Variants in CSMD1 observed in about 807,000 individuals in gnomAD.
The protein encoded by CSMD1 is CUB and Sushi multiple domains 1, also known as CUB and sushi domain-containing protein 1.
CSMD1 carries 213 observed loss-of-function variants against 417.5 expected under a neutral mutation model. That is an observed-to-expected ratio of 0.51 (90% CI 0.46 to 0.57). The LOEUF (loss-of-function observed/expected upper bound fraction) is 0.57, where lower values mean the gene tolerates loss of function less well. Among genes scored for constraint, CSMD1 ranks in the 20% least tolerant of loss-of-function variants. The probability of loss-of-function intolerance (pLI) is 0.00; values close to 1 mark genes in which losing one functional copy is unlikely to be tolerated. For synonymous variants in CSMD1, 2,862 were observed against 1,736.8 expected (o/e 1.65, Z -16.11); for missense variants, 6,923 against 4,529.7 (o/e 1.53, Z -15.17).
chr8:3,828,310 C>G (rs1353413147), intron 5 of CSMD1, among the ~76,000 whole-genome samples: 2 of 152,132 alleles, frequency 1.3e-5, no homozygotes, highest in Non-Finnish European at 2.9e-5. Flanking sequence ...GAACACCTGT[C>G]TCAGCTTTCA....
intron 23 of CSMD1, among the ~76,000 whole-genome samples, chr8:3,337,955 A>C (rs905519121): frequency 5.3e-5 from 8 of 152,116 alleles, no homozygotes. Context: ...GGTTTTCCCT[A>C]ATGAGCCTCT....
intron 1 of CSMD1, among the ~76,000 whole-genome samples, chr8:4,933,359 G>C (rs1459621853): frequency 1.3e-5 from 2 of 152,102 alleles, no homozygotes; most frequent in Non-Finnish European, 2.9e-5. Context: ...CCCCATTTTG[G>C]TAAACTGTAA....
At chr8:3,779,552 G>A (rs4875786) in intron 5 of CSMD1, among the ~76,000 whole-genome samples, 46,044 of 152,044 alleles carry the variant, frequency 0.3, 7,529 homozygotes, top group Admixed American at 0.37. Flanking sequence ...CAAATTAGCA[G>A]TGAATTATGC....
At chr8:3,734,490 C>T (rs1266524940) in intron 6 of CSMD1, among the ~76,000 whole-genome samples, 2 of 152,170 alleles carry the variant, frequency 1.3e-5, no homozygotes, top group Admixed American at 6.5e-5. Flanking sequence ...GTGGGTGGAT[C>T]CCTTGACGTC....
intron 1 of CSMD1, among the ~76,000 whole-genome samples, chr8:4,673,932 TA>T (rs1318861809): frequency 6.6e-6 from 1 of 152,102 alleles, no homozygotes; most frequent in East Asian, 1.9e-4. Flanking sequence ...TAAAAAGCCC[TA>T]AAATTAATAA....
At chr8:4,311,464 T>C (rs1798563873) in intron 3 of CSMD1, among the ~76,000 whole-genome samples, 2 of 152,116 alleles carry the variant, frequency 1.3e-5, no homozygotes, top group Admixed American at 6.6e-5. Context: ...GGCTCACAGC[T>C]GTAATCCCAG....
intron 4 of CSMD1, among the ~76,000 whole-genome samples, chr8:4,011,730 C>A (rs965968564): frequency 6.6e-6 from 1 of 152,134 alleles, no homozygotes; most frequent in Non-Finnish European, 1.5e-5. Context: ...GAGTTATCAG[C>A]ATACTTTTTT....
chr8:3,354,875 A>ATATCTATAGATATGTCTATCTATAAATC (rs1808650006), intron 21 of CSMD1, among the ~76,000 whole-genome samples: 1 of 71,522 alleles, frequency 1.4e-5, no homozygotes, highest in Non-Finnish European at 2.7e-5. Flanking sequence ...AGATATACAT[A>ATATCTATAGATATGTCTATCTATAAATC]TATCTATAGA....
At chr8:4,277,397 C>T (rs1796547990) in intron 3 of CSMD1, among the ~76,000 whole-genome samples, 1 of 152,086 alleles carries the variant, frequency 6.6e-6, no homozygotes, top group African/African-American at 2.4e-5. Context: ...TGGCTTGACC[C>T]AGCCCCCATT....
intron 1 of CSMD1, among the ~76,000 whole-genome samples, chr8:4,663,090 G>T (rs1314540507): frequency 1.3e-5 from 2 of 152,108 alleles, no homozygotes; most frequent in Non-Finnish European, 2.9e-5. Flanking sequence ...AACCCCTGAG[G>T]ACAGGAGGGC....
chr8:3,776,442 G>A (rs376618728), intron 5 of CSMD1, among the ~76,000 whole-genome samples: 1 of 152,154 alleles, frequency 6.6e-6, no homozygotes, highest in South Asian at 2.1e-4. Flanking sequence ...CTAATCTCCT[G>A]TCTGGCCACA....
intron 1 of CSMD1, among the ~76,000 whole-genome samples, chr8:4,781,314 C>T (rs17071321): frequency 0.099 from 15,087 of 152,178 alleles, 949 homozygotes; most frequent in East Asian, 0.32. Context: ...ACAAAACACA[C>T]GGGGTCACAC....
At chr8:4,261,641 C>G (rs1002408053) in intron 3 of CSMD1, among the ~76,000 whole-genome samples, 1 of 152,016 alleles carries the variant, frequency 6.6e-6, no homozygotes, top group Non-Finnish European at 1.5e-5. Flanking sequence ...AACTCCTAGG[C>G]TCAGGCAATC....
At chr8:4,307,174 C>T (rs995728358) in intron 3 of CSMD1, among the ~76,000 whole-genome samples, 2 of 152,162 alleles carry the variant, frequency 1.3e-5, no homozygotes, top group East Asian at 3.9e-4. Flanking sequence ...GCACAGGCTC[C>T]ATTTAATACT....
intron 22 of CSMD1, among the ~76,000 whole-genome samples, chr8:3,345,346 G>A (rs1807918795): frequency 6.6e-6 from 1 of 152,134 alleles, no homozygotes; most frequent in African/African-American, 2.4e-5. Flanking sequence ...CAACAATTCT[G>A]CGTTCTTTAT....
chr8:3,917,109 T>C (rs1297410588), intron 5 of CSMD1, among the ~76,000 whole-genome samples: 7 of 152,176 alleles, frequency 4.6e-5, no homozygotes, highest in African/African-American at 1.2e-4. Context: ...TTTAAAATCT[T>C]TGTCATAAAA....
intron 3 of CSMD1, among the ~76,000 whole-genome samples, chr8:4,145,289 T>G (rs1473070882): frequency 6.6e-6 from 1 of 151,088 alleles, no homozygotes; most frequent in Non-Finnish European, 1.5e-5. Context: ...TCCAATGCTT[T>G]CTTGTTGAGA....
chr8:4,722,313 G>A (rs1809110561), intron 1 of CSMD1, among the ~76,000 whole-genome samples: 1 of 151,630 alleles, frequency 6.6e-6, no homozygotes. Context: ...AAATTGTTTT[G>A]GTGAAGAAAA....
chr8:4,981,748 C>T (rs1810900236), intron 1 of CSMD1, among the ~76,000 whole-genome samples: 1 of 152,138 alleles, frequency 6.6e-6, no homozygotes, highest in Non-Finnish European at 1.5e-5. Flanking sequence ...TCCTTTTCTC[C>T]TTGAGAGTGG....
Sources: gnomAD v4.1 joint callset for allele counts (sites outside exome capture counted in the v4.1 genomes callset) on GRCh38, gnomAD v4.1.1 for gene constraint, MANE v1.5 for transcripts, NCBI Gene and HGNC (gene_info 2026-07-23, HGNC 2026-07-21) for gene names.